The following MTRF1 variants were observed in gnomAD, a reference collection of about 807,000 sequenced individuals.
The protein encoded by MTRF1 is peptide chain release factor 1, mitochondrial.
MTRF1 carries 51 observed loss-of-function variants against 62.9 expected under a neutral mutation model. The observed-to-expected ratio is 0.81, with a 90% CI of 0.65 to 1.02. The LOEUF (loss-of-function observed/expected upper bound fraction) is 1.02, where lower values mean the gene tolerates loss of function less well. MTRF1 is among the 50% of genes least tolerant of loss of function. The pLI is 0.00. For missense variants in MTRF1, 446 were observed against 530.0 expected (o/e 0.84, Z 1.56); for synonymous variants, 158 against 181.9 (o/e 0.87, Z 1.06).
the MTRF1 span, among the ~76,000 whole-genome samples, chr13:41,283,265 T>C: frequency 1.3e-5 from 2 of 152,200 alleles, no homozygotes; most frequent in African/African-American, 4.8e-5. Context: ...ATAAACCATT[T>C]CCATTTTATC....
intron 5 of MTRF1, among the ~76,000 whole-genome samples, chr13:41,246,922 C>T (rs943826573): frequency 1.3e-5 from 2 of 152,212 alleles, no homozygotes; most frequent in African/African-American, 4.8e-5. Context: ...TGTCTGTCCA[C>T]AGGCAAGTTA....
chr13:41,239,001 A>T (rs933990859), intron 6 of MTRF1, among the ~76,000 whole-genome samples: 1 of 151,942 alleles, frequency 6.6e-6, no homozygotes. Flanking sequence ...TAGACTTTTC[A>T]AGAAGTCATT....
the MTRF1 span, among the ~76,000 whole-genome samples, chr13:41,303,125 G>GTA: frequency 6.6e-6 from 1 of 151,828 alleles, no homozygotes; most frequent in Non-Finnish European, 1.5e-5. Context: ...TATTTTATAT[G>GTA]TATATATATT....
At chr13:41,264,889 A>G (rs570859788), upstream of MTRF1, among the ~76,000 whole-genome samples, 2 of 152,352 alleles carry the variant, frequency 1.3e-5, no homozygotes, top group East Asian at 1.9e-4. Context: ...CATGTATTCA[A>G]TAAATAGTGA....
the MTRF1 span, chr13:41,311,631 G>C: frequency 6.4e-7 from 1 of 1,553,020 alleles, no homozygotes; most frequent in East Asian, 2.4e-5. Context: ...CGGGTCCTCG[G>C]GCCTTAAGGG....
At position 41,260,692 on chromosome 13, in the gene MTRF1, A is replaced by G. The variant is rs1447134721; in HGVS notation, c.216T>C (p.His72=). ...CHQDTKMLWK[H]KALQKYMENL... ...TCTCCATATATTTCTGTAGTGCTTT[A>G]TGCTTCCAGAGCATCTTGGTGTCTT... The change falls in exon 2 of 10, where the codon CAT becomes CAC. Residue 72 remains histidine (H), a synonymous_variant. Transcript: ENST00000379480. The G allele has an allele frequency of 6.2e-7, 1 of 1,614,034 alleles. No homozygotes were observed. Among genetic ancestry groups the G allele is most frequent in the South Asian group, 1.1e-5 (1 of 91,080 alleles).
intron 5 of MTRF1, among the ~76,000 whole-genome samples, chr13:41,245,118 G>A (rs2038068693): frequency 6.6e-6 from 1 of 151,760 alleles, no homozygotes; most frequent in Non-Finnish European, 1.5e-5. Context: ...TAAATGTTCT[G>A]TTTATCTGCT....
At chr13:41,274,299 T>C in the MTRF1 span, among the ~76,000 whole-genome samples, 3 of 152,234 alleles carry the variant, frequency 2.0e-5, no homozygotes, top group Non-Finnish European at 4.4e-5. Flanking sequence ...GTGACTTTAA[T>C]GACATCCTCC....
intron 3 of MTRF1, among the ~76,000 whole-genome samples, 158 bp from the exon 4 acceptor site, chr13:41,253,188 T>C (rs1051449252): frequency 2.0e-5 from 3 of 152,202 alleles, no homozygotes; most frequent in Non-Finnish European, 4.4e-5. Context: ...GTAGAACTAA[T>C]TAGACCTAAA....
rs141591973 is a variant in MTRF1, at chr13:41,220,252, C to A, written c.1224+3004G>T. Among the ~76,000 whole-genome samples, 694 of 141,224 alleles carry A rather than the reference C, an allele frequency of 4.9e-3. 4 individuals are homozygous for A. The highest frequency in any genetic ancestry group is 0.017 in the African/African-American group (639 of 38,590). The allele number at this position is 141,224 out of a possible 152,430, so 92.6% of individuals were successfully genotyped here. ...GGCTGAGGCAGGAGAATCACTTGAA[C>A]CCAGGAAGCAGAGGCTGCAGAGATT... On this transcript the variant is annotated intron_variant, in intron 9 of 9. Coordinates refer to ENST00000379480, the MANE Select transcript of MTRF1 (RefSeq NM_004294.4).
At chr13:41,269,502 T>C in the MTRF1 span, among the ~76,000 whole-genome samples, 2 of 151,972 alleles carry the variant, frequency 1.3e-5, no homozygotes, top group Non-Finnish European at 2.9e-5. Flanking sequence ...CCAGCCCTTT[T>C]ACCTTATTTT....
Position 41,251,887 on chromosome 13 carries a change from A to AT in MTRF1, c.697+757dup, listed in dbSNP as rs879524406. Among the ~76,000 whole-genome samples the AT allele has an allele frequency of 4.2e-3, 617 of 146,702 alleles. 2 individuals carry two copies. The highest frequency in any genetic ancestry group is 0.013 in the African/African-American group (523 of 40,318). On this transcript the variant is annotated intron_variant, in intron 5 of 9. Coordinates refer to ENST00000379480, the MANE Select transcript of MTRF1 (RefSeq NM_004294.4). ...CTGCACTGTTTGTCTATGTTGTATC[A>AT]TTTTTTTTTTTTGAGACAGTCTCAC...
intron 9 of MTRF1, 135 bp from the exon 10 acceptor site, chr13:41,217,363 A>C: frequency 2.0e-6 from 1 of 491,896 alleles, no homozygotes; most frequent in Non-Finnish European, 3.7e-6. Flanking sequence ...TAATACAATG[A>C]ACACAATCGC....
chr13:41,302,537 T>G, the MTRF1 span, among the ~76,000 whole-genome samples: 4 of 133,738 alleles, frequency 3.0e-5, no homozygotes, highest in Non-Finnish European at 1.7e-5. Flanking sequence ...TTTTTTTAAA[T>G]TTTTTTTTTT....
At chr13:41,259,288 A>C (rs1212254012) in intron 2 of MTRF1, among the ~76,000 whole-genome samples, 2 of 152,244 alleles carry the variant, frequency 1.3e-5, no homozygotes, top group Non-Finnish European at 2.9e-5. Context: ...ACAAAAGTTC[A>C]CAGTATCGTT....
At chr13:41,276,266 G>A in the MTRF1 span, among the ~76,000 whole-genome samples, 1 of 151,878 alleles carries the variant, frequency 6.6e-6, no homozygotes, top group Non-Finnish European at 1.5e-5. Context: ...CCATCTCTTG[G>A]GTTCAAGTGA....
At chr13:41,227,873 T>G (rs980275602) in intron 7 of MTRF1, among the ~76,000 whole-genome samples, 1 of 152,258 alleles carries the variant, frequency 6.6e-6, no homozygotes, top group African/African-American at 2.4e-5. Flanking sequence ...AATCACTTCC[T>G]GACTGCTTTA....
the MTRF1 span, among the ~76,000 whole-genome samples, chr13:41,290,696 A>T: frequency 6.6e-6 from 1 of 151,508 alleles, no homozygotes; most frequent in African/African-American, 2.4e-5. Flanking sequence ...CTTGGCCTGT[A>T]ATGGTTCTTA....
chr13:41,269,349 G>A, the MTRF1 span, among the ~76,000 whole-genome samples: 3 of 151,498 alleles, frequency 2.0e-5, no homozygotes, highest in Admixed American at 6.6e-5. Flanking sequence ...ACAGGTGTGC[G>A]CCACCACACC....
Sources: gnomAD v4.1 joint callset for allele counts (sites outside exome capture counted in the v4.1 genomes callset) on GRCh38, gnomAD v4.1.1 for gene constraint, MANE v1.5 for transcripts, NCBI Gene and HGNC (gene_info 2026-07-23, HGNC 2026-07-21) for gene names.